SDK1: variants seen among roughly 807,000 people sequenced by gnomAD.
The protein encoded by SDK1 is protein sidekick-1.
In SDK1, 157 loss-of-function variants were observed where a neutral mutation model predicts 245.5. That is an observed-to-expected ratio of 0.64 (90% CI 0.56 to 0.73). SDK1 has a LOEUF of 0.73. Ranked by LOEUF, SDK1 falls within the 30% of genes least tolerant of loss-of-function variation. SDK1 has a pLI of 0.00. For synonymous variants in SDK1, 1,647 were observed against 1,278.5 expected, an observed-to-expected ratio of 1.29 and a Z score of -6.15; for missense variants, 3,583 against 3,002.3, an observed-to-expected ratio of 1.19 and a Z score of -4.52.
rs190748001 is a variant in SDK1 at position 3,336,552 on chromosome 7, C to G, written c.298+34668C>G. Reference sequence around the variant, plus strand: ...GGTGGGGAGGTGTGAGCCTCCACACCCACTGGTGGCAAATGAGGTATGGAG... The same window carrying G: ...GGTGGGGAGGTGTGAGCCTCCACACGCACTGGTGGCAAATGAGGTATGGAG... On this transcript the variant is annotated intron_variant, in intron 1 of 44. Transcript: ENST00000404826. Among the ~76,000 whole-genome samples, 918 of 152,214 alleles carry G rather than the reference C, an allele frequency of 6.0e-3. 9 individuals carry two copies. The highest frequency in any genetic ancestry group is 0.02 in the African/African-American group (850 of 41,540).
chr7:3,699,799 A>G (rs1784688750), intron 4 of SDK1, among the ~76,000 whole-genome samples: 1 of 152,356 alleles, frequency 6.6e-6, no homozygotes, highest in Non-Finnish European at 1.5e-5. Context: ...GTTCAAAGAA[A>G]TAATGGTTAA....
At chr7:3,928,270 C>G (rs1779848048) in intron 5 of SDK1, among the ~76,000 whole-genome samples, 1 of 152,160 alleles carries the variant, frequency 6.6e-6, no homozygotes, top group African/African-American at 2.4e-5. Flanking sequence ...TCTGAATTCT[C>G]TAGATAGTTA....
At chr7:3,830,030 C>T (rs1779875787) in intron 5 of SDK1, among the ~76,000 whole-genome samples, 1 of 152,138 alleles carries the variant, frequency 6.6e-6, no homozygotes, top group South Asian at 2.1e-4. Flanking sequence ...ATGCATTAGA[C>T]AGCACATAGG....
At chr7:3,784,802 C>T (rs562473414) in intron 4 of SDK1, among the ~76,000 whole-genome samples, 2 of 152,006 alleles carry the variant, frequency 1.3e-5, no homozygotes, top group South Asian at 2.1e-4. Flanking sequence ...GGAGATTCCT[C>T]AAAAAAAATG....
intron 4 of SDK1, among the ~76,000 whole-genome samples, chr7:3,771,559 A>G (rs1562431581): frequency 1.3e-5 from 2 of 152,318 alleles, no homozygotes; most frequent in Admixed American, 1.3e-4. Context: ...AGGGACTGAC[A>G]TCTGAGTCAT....
At chr7:3,683,163 A>G (rs967740425) in intron 4 of SDK1, among the ~76,000 whole-genome samples, 3 of 152,092 alleles carry the variant, frequency 2.0e-5, no homozygotes, top group African/African-American at 7.2e-5. Flanking sequence ...TTCATATGAT[A>G]TTTCTTGCTT....
intron 22 of SDK1, among the ~76,000 whole-genome samples, chr7:4,102,541 C>T (rs1230231427): frequency 6.6e-6 from 1 of 152,184 alleles, no homozygotes; most frequent in Non-Finnish European, 1.5e-5. Flanking sequence ...ACCTTGTCTG[C>T]TTCCTCTCCA....
chr7:3,726,076 C>G (rs10266930), intron 4 of SDK1, among the ~76,000 whole-genome samples: 3,682 of 152,344 alleles, frequency 0.024, 61 homozygotes, highest in African/African-American at 0.046. Flanking sequence ...GCCTAATGTT[C>G]TTTCCTCACA....
chr7:3,903,756 T>A (rs1210139046), intron 5 of SDK1, among the ~76,000 whole-genome samples: 1 of 152,146 alleles, frequency 6.6e-6, no homozygotes, highest in Non-Finnish European at 1.5e-5. Flanking sequence ...AAGTTGAAAT[T>A]TGATCTCCCG....
At chr7:3,902,011 A>C (rs1255040707) in intron 5 of SDK1, among the ~76,000 whole-genome samples, 1 of 152,172 alleles carries the variant, frequency 6.6e-6, no homozygotes, top group Admixed American at 6.5e-5. Flanking sequence ...TTTCTAGCAC[A>C]ACAAGCTGCT....
chr7:3,542,179 T>C (rs1450484552), intron 1 of SDK1, among the ~76,000 whole-genome samples: 2 of 152,254 alleles, frequency 1.3e-5, no homozygotes, highest in Non-Finnish European at 2.9e-5. Context: ...ATTTTTCTAA[T>C]CTGTAGTAGA....
At chr7:3,607,520 G>C (rs1035777546) in intron 1 of SDK1, among the ~76,000 whole-genome samples, 2 of 152,130 alleles carry the variant, frequency 1.3e-5, no homozygotes, top group Non-Finnish European at 2.9e-5. Context: ...CCATTTCATA[G>C]ACGTTTACTA....
rs13311590 is a variant in SDK1 at position 4,139,445 on chromosome 7, A to G, written c.4229-6277A>G. On this transcript the variant is annotated intron_variant, in intron 28 of 44. Coordinates refer to ENST00000404826, the MANE Select transcript of SDK1 (RefSeq NM_152744.4). Reference sequence around the variant, plus strand: ...TGTGTGTATGTATATATGTGTGTGTATATGTGTGTGTATATGTATATATGT... The same window carrying G: ...TGTGTGTATGTATATATGTGTGTGTGTATGTGTGTGTATATGTATATATGT... 1.2e-4 allele frequency among the ~76,000 whole-genome samples: 8 copies of G among 67,694 alleles called. 1 individual carries two copies. Among genetic ancestry groups the G allele is most frequent in the African/African-American group, 2.0e-4 (4 of 19,610 alleles). The allele number at this position is 67,694 out of a possible 152,430, so 44.4% of individuals were successfully genotyped here.
intron 1 of SDK1, among the ~76,000 whole-genome samples, chr7:3,494,643 C>T (rs1318598643): frequency 1.3e-5 from 2 of 152,214 alleles, no homozygotes; most frequent in African/African-American, 4.8e-5. Context: ...AACCCTTCCT[C>T]ATCTCCCAAC....
Position 4,266,942 on chromosome 7 carries a change from G to C in SDK1, c.*1558G>C. The C allele has an allele frequency of 1.0e-6, 1 of 985,492 alleles. No homozygotes were observed. The highest frequency in any genetic ancestry group is 1.2e-6 in the Non-Finnish European group (1 of 829,972). 61.0% of individuals were successfully genotyped at this position (985,492 alleles called of 1,614,324 possible). A position where few individuals can be genotyped will look rare whatever the true frequency, so the allele number is the denominator to read the frequency against. ...GGTAGGGGACAACTGAGCAGTATCT[G>C]ACCAGTGCCACCCAGGAGCCAGTCT... On this transcript the variant is annotated 3_prime_UTR_variant, in exon 45 of 45. Transcript: ENST00000404826.
intron 4 of SDK1, among the ~76,000 whole-genome samples, chr7:3,798,068 T>A (rs990553582): frequency 2.6e-5 from 4 of 152,118 alleles, no homozygotes; most frequent in Non-Finnish European, 5.9e-5. Flanking sequence ...ACAGTACCAT[T>A]TACTAGAGCC....
chr7:4,010,110 AT>A (rs2128148600), intron 14 of SDK1, among the ~76,000 whole-genome samples: 1 of 152,340 alleles, frequency 6.6e-6, no homozygotes, highest in East Asian at 1.9e-4. Flanking sequence ...TTCCAGAAGA[AT>A]TTCCCCCACC....
intron 5 of SDK1, among the ~76,000 whole-genome samples, chr7:3,838,997 T>C (rs1055062676): frequency 6.6e-6 from 1 of 152,070 alleles, no homozygotes; most frequent in Non-Finnish European, 1.5e-5. Context: ...TACAAATAGA[T>C]GGTGTTCATC....
chr7:3,887,880 C>G (rs929680521), intron 5 of SDK1, among the ~76,000 whole-genome samples: 2 of 152,156 alleles, frequency 1.3e-5, no homozygotes, highest in African/African-American at 4.8e-5. Context: ...GCCTTAGCAA[C>G]TGACGTAAGA....
Sources: gnomAD v4.1 joint callset for allele counts (sites outside exome capture counted in the v4.1 genomes callset) on GRCh38, gnomAD v4.1.1 for gene constraint, MANE v1.5 for transcripts, NCBI Gene and HGNC (gene_info 2026-07-23, HGNC 2026-07-21) for gene names.